The following MTUS1 variants were observed in gnomAD, a reference collection of about 807,000 sequenced individuals.
MTUS1 encodes the protein microtubule associated scaffold protein 1.
MTUS1 carries 109 observed loss-of-function variants against 120.8 expected under a neutral mutation model. That is an observed-to-expected ratio of 0.90 (90% CI 0.77 to 1.06). The LOEUF is 1.06. MTUS1 is among the 50% of genes least tolerant of loss of function. The pLI is 0.00. For synonymous variants in MTUS1, 737 were observed against 550.5 expected (o/e 1.34, Z -4.74); for missense variants, 2,210 against 1,486.3 (o/e 1.49, Z -8.01).
At position 17,653,426 on chromosome 8, in the gene MTUS1, T is replaced by A; in HGVS notation, c.3287A>T (p.Glu1096Val). 1 of 1,608,060 alleles carries A rather than the reference T, an allele frequency of 6.2e-7. No individual in the cohort carries two copies. Among genetic ancestry groups the A allele is most frequent in the Non-Finnish European group, 8.5e-7 (1 of 1,176,510 alleles). ...DLLSEKQESL[E>V]KQINDLKSEN... ...ACTGGGATATTGACATTCACCCACC[T>A]CTAGCGATTCCTGCTTCTCAGAAAG... The change falls in exon 11 of 15, where the codon GAG becomes GTG. Residue 1096 changes from glutamate (E) to valine (V), a missense_variant and splice_region_variant. Physicochemically the swap from Glu to Val is moderately radical, Grantham distance 121. Coordinates refer to ENST00000693296, the MANE Select transcript of MTUS1 (RefSeq NM_001363059.2).
At chr8:17,665,780 A>G (rs1208334502) in intron 8 of MTUS1, among the ~76,000 whole-genome samples, 1 of 152,250 alleles carries the variant, frequency 6.6e-6, no homozygotes, top group African/African-American at 2.4e-5. Flanking sequence ...TGGATGCCTC[A>G]GGGTAGTAGG....
chr8:17,739,007 C>G (rs551866934), intron 3 of MTUS1, among the ~76,000 whole-genome samples: 88 of 151,760 alleles, frequency 5.8e-4, no homozygotes, highest in South Asian at 2.3e-3. Flanking sequence ...GCTGGGCATG[C>G]TGACACACAT....
chr8:17,695,893 G>A (rs1262168206), intron 6 of MTUS1, among the ~76,000 whole-genome samples: 3 of 152,240 alleles, frequency 2.0e-5, no homozygotes, highest in South Asian at 2.1e-4. Context: ...CTGTCTCCAC[G>A]GAGAGCAGAC....
chr8:17,749,037 A>T (rs543700463), intron 2 of MTUS1, among the ~76,000 whole-genome samples: 1 of 152,246 alleles, frequency 6.6e-6, no homozygotes, highest in South Asian at 2.1e-4. Flanking sequence ...TGAAGGGACC[A>T]CTTCTCTCGG....
At chr8:17,685,555 C>A (rs573011343) in intron 6 of MTUS1, among the ~76,000 whole-genome samples, 1 of 152,002 alleles carries the variant, frequency 6.6e-6, no homozygotes, top group East Asian at 1.9e-4. Context: ...TCTGAAACAA[C>A]TTTTAAAGAA....
intron 7 of MTUS1, among the ~76,000 whole-genome samples, chr8:17,679,472 C>T (rs1813844443): frequency 8.4e-6 from 1 of 118,380 alleles, no homozygotes; most frequent in Non-Finnish European, 2.0e-5. Context: ...GATTTTTTTT[C>T]TCCAACTATT....
chr8:17,646,143 G>C lies in MTUS1; in HGVS notation c.3600-4C>G. On this transcript the variant is annotated splice_polypyrimidine_tract_variant and splice_region_variant and intron_variant, in intron 14 of 14. Transcript: ENST00000693296. ...AGCCTGCTCCGTGGAAAGCTGCCTT[G>C]AAGAAAAAGGCCAGAAACCATGAGA... is the stretch of plus-strand genomic sequence containing the variant. 1 of 1,594,408 alleles carries C rather than the reference G, an allele frequency of 6.3e-7. No homozygotes were observed. Among genetic ancestry groups the C allele is most frequent in the Non-Finnish European group, 8.5e-7 (1 of 1,171,898 alleles).
intron 1 of MTUS1, among the ~76,000 whole-genome samples, chr8:17,757,317 A>G (rs1365286268): frequency 2.0e-5 from 3 of 152,230 alleles, no homozygotes; most frequent in Non-Finnish European, 2.9e-5. Flanking sequence ...TCTACATACT[A>G]TATGACACTA....
At chr8:17,771,806 G>A (rs1419533888) in intron 1 of MTUS1, among the ~76,000 whole-genome samples, 1 of 152,236 alleles carries the variant, frequency 6.6e-6, no homozygotes, top group African/African-American at 2.4e-5. Context: ...ATCGTCCAGT[G>A]TTTACAGTGG....
chr8:17,657,361 G>A (rs1176567089), intron 8 of MTUS1, among the ~76,000 whole-genome samples: 1 of 151,522 alleles, frequency 6.6e-6, no homozygotes, highest in Non-Finnish European at 1.5e-5. Context: ...GAGGTCAGGA[G>A]ATCGAGACCA....
At chr8:17,778,762 T>G (rs113067908) in intron 1 of MTUS1, among the ~76,000 whole-genome samples, 1 of 152,062 alleles carries the variant, frequency 6.6e-6, no homozygotes. Context: ...TGAGCTGAGA[T>G]AGCACCACTG....
chr8:17,692,855 CAAAAT>C (rs1460206200), intron 6 of MTUS1, among the ~76,000 whole-genome samples: 1 of 152,022 alleles, frequency 6.6e-6, no homozygotes, highest in Non-Finnish European at 1.5e-5. Context: ...CCTAAAAGTT[CAAAAT>C]AAAATAAAAT....
Position 17,754,668 on chromosome 8 carries a change from G to A in MTUS1, c.1140C>T (p.Val380=), listed in dbSNP as rs368585915. The change falls in exon 2 of 15, where the codon GTC becomes GTT. Residue 380 remains valine (V), a synonymous_variant. Coordinates refer to ENST00000693296, the MANE Select transcript of MTUS1 (RefSeq NM_001363059.2). ...KVTETEDTQM[V]SKGKDLGTQN... ...GGGTTCCCAAATCCTTTCCTTTGGA[G>A]ACCATTTGTGTGTCTTCAGTCTCAG... 451 of 1,614,074 alleles carry A rather than the reference G, an allele frequency of 2.8e-4. 2 individuals are homozygous for A. The highest frequency in any genetic ancestry group is 1.8e-3 in the Middle Eastern group (11 of 6,084).
intron 3 of MTUS1, among the ~76,000 whole-genome samples, chr8:17,732,117 T>G (rs1478211269): frequency 2.0e-5 from 3 of 152,168 alleles, no homozygotes; most frequent in Non-Finnish European, 2.9e-5. Context: ...AGTGGTGGGA[T>G]GCACACGGAA....
At chr8:17,701,713 A>G (rs1020190254) in intron 6 of MTUS1, among the ~76,000 whole-genome samples, 1 of 151,688 alleles carries the variant, frequency 6.6e-6, no homozygotes, top group Non-Finnish European at 1.5e-5. Flanking sequence ...ACGCCTGACT[A>G]ATTTTTTTTG....
At chr8:17,697,427 C>T (rs765531871) in intron 6 of MTUS1, 2 of 1,599,090 alleles carry the variant, frequency 1.3e-6, no homozygotes, top group African/African-American at 2.7e-5. Flanking sequence ...TTTCCATGGA[C>T]TGTCACATAC....
intron 3 of MTUS1, among the ~76,000 whole-genome samples, chr8:17,742,600 C>T (rs749832881): frequency 6.6e-6 from 1 of 152,120 alleles, no homozygotes; most frequent in African/African-American, 2.4e-5. Flanking sequence ...CTGCAAACCC[C>T]TCTTCCTCCA....
intron 4 of MTUS1, chr8:17,722,282 C>G (rs756298700): frequency 1.9e-4 from 190 of 985,114 alleles, no homozygotes; most frequent in Non-Finnish European, 2.2e-4. Context: ...GCACTACAGA[C>G]TGTGTCTGCT....
At chr8:17,721,221 A>C (rs1233865147) in intron 4 of MTUS1, among the ~76,000 whole-genome samples, 1 of 152,178 alleles carries the variant, frequency 6.6e-6, no homozygotes, top group East Asian at 1.9e-4. Flanking sequence ...TAACATGACC[A>C]CCCATTATCA....
Sources: allele counts gnomAD v4.1 joint callset (sites outside exome capture counted in the v4.1 genomes callset), GRCh38; gene constraint gnomAD v4.1.1; transcripts MANE v1.5; gene names NCBI Gene and HGNC (gene_info 2026-07-23, HGNC 2026-07-21).